NINJ2: variants seen among roughly 807,000 people sequenced by gnomAD.
NINJ2 encodes ninjurin 2.
NINJ2 carries 12 observed loss-of-function variants against 11.7 expected under a neutral mutation model. That is an observed-to-expected ratio of 1.02 (90% CI 0.66 to 1.66). The LOEUF is 1.66. Ranked by LOEUF, NINJ2 falls within the 40% of genes most tolerant of loss-of-function variation. The pLI is 0.00. For missense variants in NINJ2, 187 were observed against 181.8 expected, an observed-to-expected ratio of 1.03 and a Z score of -0.16; for synonymous variants, 93 against 76.8, an observed-to-expected ratio of 1.21 and a Z score of -1.10.
Position 569,789 on chromosome 12 carries a change from G to A in NINJ2, c.34-3611C>T, listed in dbSNP as rs550814431. 5.3e-5 allele frequency among the ~76,000 whole-genome samples: 8 copies of A among 152,350 alleles called. No homozygotes were observed. The East Asian group carries it at 1.4e-3, about 26-fold the overall frequency. ...TTAATCTGAGAGCCATTGCTTCACA[G>A]AGGACGTGAGGCTCGCAGTGTGCTT... On this transcript the variant is annotated intron_variant, in intron 1 of 3. Transcript: ENST00000305108.
At chr12:576,548 G>C (rs1282906627) in intron 1 of NINJ2, among the ~76,000 whole-genome samples, 1 of 152,212 alleles carries the variant, frequency 6.6e-6, no homozygotes. Context: ...AGGCTGCGGG[G>C]TGGTGGCCCC....
chr12:660,018 C>G lies in NINJ2; in HGVS notation c.33+3310G>C, dbSNP rs545003101. 1.1e-4 allele frequency among the ~76,000 whole-genome samples: 17 copies of G among 152,224 alleles called. No individual in the cohort carries two copies. The South Asian group carries it at 2.9e-3, about 26-fold the overall frequency. On this transcript the variant is annotated intron_variant, in intron 1 of 3. Coordinates refer to ENST00000305108, the MANE Select transcript of NINJ2 (RefSeq NM_016533.6). ...ATGTTGGAATTGCCTGGACATGTGG[C>G]TCATGCCTGTAATCCCAACACTTTG...
chr12:642,469 C>T (rs1235414785), intron 1 of NINJ2, among the ~76,000 whole-genome samples: 1 of 152,174 alleles, frequency 6.6e-6, no homozygotes, highest in Admixed American at 6.5e-5. Context: ...GACCTCAGGT[C>T]CCCCCGCCTC....
chr12:637,829 C>G (rs1384992798), intron 1 of NINJ2, among the ~76,000 whole-genome samples: 1 of 152,106 alleles, frequency 6.6e-6, no homozygotes, highest in African/African-American at 2.4e-5. Flanking sequence ...AAAAGAAATA[C>G]AGCCTTGGCT....
chr12:632,377 A>T (rs548965836), intron 1 of NINJ2: 1 of 152,338 alleles, frequency 6.6e-6, no homozygotes, highest in Non-Finnish European at 1.5e-5. Flanking sequence ...GTGTTTGGGC[A>T]GGGAAGGGAG....
At chr12:566,288 C>T in intron 1 of NINJ2, 110 bp from the exon 2 acceptor site, 3 of 856,548 alleles carry the variant, frequency 3.5e-6, no homozygotes, top group Non-Finnish European at 5.4e-6. Context: ...AGATGGGAAG[C>T]TCAGGGCAAA....
intron 1 of NINJ2, among the ~76,000 whole-genome samples, chr12:658,101 C>T (rs1457284423): frequency 3.4e-5 from 5 of 147,278 alleles, no homozygotes; most frequent in Non-Finnish European, 5.9e-5. Flanking sequence ...CGGGTTCAAG[C>T]GATTCTCCTG....
At chr12:604,871 T>C (rs1217428693) in intron 1 of NINJ2, among the ~76,000 whole-genome samples, 1 of 152,188 alleles carries the variant, frequency 6.6e-6, no homozygotes, top group Non-Finnish European at 1.5e-5. Flanking sequence ...CCAAGGCAAG[T>C]GACCAGAGGT....
At chr12:611,323 CTT>C (rs1491237741) in intron 1 of NINJ2, among the ~76,000 whole-genome samples, 53 of 149,460 alleles carry the variant, frequency 3.5e-4, no homozygotes, top group African/African-American at 1.1e-3. Flanking sequence ...CTCTCTCTCT[CTT>C]TCTTTCTTTT....
At chr12:642,421 G>T (rs558452271) in intron 1 of NINJ2, among the ~76,000 whole-genome samples, 12 of 152,264 alleles carry the variant, frequency 7.9e-5, no homozygotes, top group African/African-American at 2.9e-4. Context: ...AGTAGAGACG[G>T]GGTTTCGCCA....
At chr12:623,336 C>T (rs1420022790) in intron 1 of NINJ2, among the ~76,000 whole-genome samples, 2 of 152,160 alleles carry the variant, frequency 1.3e-5, no homozygotes, top group African/African-American at 4.8e-5. Context: ...TGTCCCCCTC[C>T]CCCACTGCTA....
intron 1 of NINJ2, among the ~76,000 whole-genome samples, chr12:567,475 A>G (rs1947316901): frequency 6.6e-6 from 1 of 152,226 alleles, no homozygotes; most frequent in Non-Finnish European, 1.5e-5. Flanking sequence ...ATAAAGCTTC[A>G]TGGATGAAGG....
chr12:565,451 C>T (rs776230529), intron 2 of NINJ2, 50 bp from the exon 3 acceptor site: 60 of 1,573,082 alleles, frequency 3.8e-5, no homozygotes, highest in Admixed American at 2.1e-4. Context: ...GGCCACAGCA[C>T]GGAGCTGCCC....
chr12:659,701 C>T (rs1436011519), intron 1 of NINJ2, among the ~76,000 whole-genome samples: 2 of 152,202 alleles, frequency 1.3e-5, no homozygotes, highest in East Asian at 3.8e-4. Flanking sequence ...AGGTCTTGAC[C>T]TGGAGATACA....
intron 1 of NINJ2, among the ~76,000 whole-genome samples, chr12:649,055 CT>C (rs560127010): frequency 1.6e-3 from 212 of 135,202 alleles, no homozygotes; most frequent in African/African-American, 4.7e-3. Context: ...TTATCTTTTT[CT>C]TTTTTTTTTT....
chr12:650,605 A>G (rs1324475871), intron 1 of NINJ2, among the ~76,000 whole-genome samples: 1 of 152,132 alleles, frequency 6.6e-6, no homozygotes, highest in African/African-American at 2.4e-5. Flanking sequence ...AGGCTGAGGC[A>G]GGAGAATTGC....
At chr12:648,910 C>G (rs1592117841) in intron 1 of NINJ2, among the ~76,000 whole-genome samples, 1 of 152,152 alleles carries the variant, frequency 6.6e-6, no homozygotes, top group Non-Finnish European at 1.5e-5. Flanking sequence ...AATACTCTTG[C>G]ACTAGTCAAA....
chr12:646,606 C>G (rs978795445), intron 1 of NINJ2, among the ~76,000 whole-genome samples: 2 of 152,324 alleles, frequency 1.3e-5, no homozygotes, highest in Admixed American at 1.3e-4. Flanking sequence ...CAACCCCACC[C>G]TGCCCCACTA....
At chr12:661,636 G>A (rs928568517) in intron 1 of NINJ2, among the ~76,000 whole-genome samples, 16 of 152,148 alleles carry the variant, frequency 1.1e-4, no homozygotes, top group African/African-American at 3.9e-4. Context: ...ACTCTGGATC[G>A]TTCAACCCAT....
Sources: gnomAD v4.1 joint callset for allele counts (sites outside exome capture counted in the v4.1 genomes callset) on GRCh38, gnomAD v4.1.1 for gene constraint, MANE v1.5 for transcripts, NCBI Gene and HGNC (gene_info 2026-07-23, HGNC 2026-07-21) for gene names.